The following CSNK2A2IP variants were observed in gnomAD, a reference collection of about 807,000 sequenced individuals.
CSNK2A2IP encodes the protein casein kinase 2 subunit alpha' interacting protein.
the CSNK2A2IP span, among the ~76,000 whole-genome samples, chr3:88,444,811 T>C: frequency 6.6e-6 from 1 of 152,208 alleles, no homozygotes; most frequent in African/African-American, 2.4e-5. Flanking sequence ...CAAAATATCT[T>C]GAATTGGACA....
the CSNK2A2IP span, chr3:88,465,416 T>G: frequency 6.5e-6 from 8 of 1,231,674 alleles, no homozygotes; most frequent in Non-Finnish European, 5.1e-6. Flanking sequence ...TTCTACCAAC[T>G]GTCCTCAGCC....
At chr3:88,386,316 G>A in the CSNK2A2IP span, among the ~76,000 whole-genome samples, 1 of 152,144 alleles carries the variant, frequency 6.6e-6, no homozygotes, top group South Asian at 2.1e-4. Flanking sequence ...AGTAGAGACA[G>A]GGTTTCACCA....
chr3:88,383,766 C>T, the CSNK2A2IP span, among the ~76,000 whole-genome samples: 1 of 150,018 alleles, frequency 6.7e-6, no homozygotes, highest in African/African-American at 2.4e-5. Flanking sequence ...CCGGTTCATG[C>T]CATTCTCCTG....
the CSNK2A2IP span, among the ~76,000 whole-genome samples, chr3:88,416,541 C>T: frequency 6.6e-5 from 10 of 152,204 alleles, no homozygotes; most frequent in East Asian, 1.9e-3. Flanking sequence ...ATCAGTAATG[C>T]ATTGTTATAG....
chr3:88,458,244 G>A, the CSNK2A2IP span, among the ~76,000 whole-genome samples: 3 of 140,216 alleles, frequency 2.1e-5, no homozygotes, highest in Non-Finnish European at 4.5e-5. Flanking sequence ...TCTGCCTCTC[G>A]AGTTCAAGCA....
At chr3:88,353,642 C>T in the CSNK2A2IP span, among the ~76,000 whole-genome samples, 1 of 152,034 alleles carries the variant, frequency 6.6e-6, no homozygotes. Context: ...GACGGAAAAT[C>T]CTTGCTTTCA....
the CSNK2A2IP span, among the ~76,000 whole-genome samples, chr3:88,459,272 T>C: frequency 1.3e-5 from 2 of 152,112 alleles, no homozygotes; most frequent in Admixed American, 6.5e-5. Context: ...ATATTTGCAA[T>C]AGGATACCTG....
At chr3:88,465,394 C>A in the CSNK2A2IP span, 60 of 1,231,586 alleles carry the variant, frequency 4.9e-5, no homozygotes, top group East Asian at 1.7e-3. Flanking sequence ...ACACTTTGTG[C>A]CATTAGACTA....
chr3:88,421,505 C>A, the CSNK2A2IP span, among the ~76,000 whole-genome samples: 2 of 152,138 alleles, frequency 1.3e-5, no homozygotes, highest in East Asian at 1.9e-4. Context: ...CAACCTCCAC[C>A]TTCCGGGTTC....
chr3:88,355,575 G>A, the CSNK2A2IP span, among the ~76,000 whole-genome samples: 70 of 152,224 alleles, frequency 4.6e-4, no homozygotes, highest in African/African-American at 1.6e-3. Flanking sequence ...TTTCTGATAT[G>A]TAGTTTCAAA....
chr3:88,394,878 T>C, the CSNK2A2IP span, among the ~76,000 whole-genome samples: 2 of 152,062 alleles, frequency 1.3e-5, no homozygotes, highest in Non-Finnish European at 2.9e-5. Flanking sequence ...GGGGTCTACT[T>C]GAGAGAGGAG....
At chr3:88,400,819 T>C in the CSNK2A2IP span, among the ~76,000 whole-genome samples, 1 of 152,214 alleles carries the variant, frequency 6.6e-6, no homozygotes, top group African/African-American at 2.4e-5. Flanking sequence ...AGACACTAAA[T>C]TTGTGGCACA....
the CSNK2A2IP span, among the ~76,000 whole-genome samples, chr3:88,435,436 C>T: frequency 6.6e-6 from 1 of 152,096 alleles, no homozygotes; most frequent in Admixed American, 6.6e-5. Flanking sequence ...GGTCTCTTGG[C>T]CGTCTCTGAA....
At chr3:88,448,327 T>TG in the CSNK2A2IP span, among the ~76,000 whole-genome samples, 1 of 152,210 alleles carries the variant, frequency 6.6e-6, no homozygotes, top group East Asian at 1.9e-4. Flanking sequence ...ATGTCTGTCT[T>TG]GGTCAATGTC....
At chr3:88,423,657 C>A in the CSNK2A2IP span, among the ~76,000 whole-genome samples, 1 of 152,234 alleles carries the variant, frequency 6.6e-6, no homozygotes, top group East Asian at 1.9e-4. Flanking sequence ...GAGTCTGATC[C>A]TTCAGTCCCC....
chr3:88,404,250 T>A, the CSNK2A2IP span, among the ~76,000 whole-genome samples: 1 of 152,152 alleles, frequency 6.6e-6, no homozygotes, highest in Non-Finnish European at 1.5e-5. Flanking sequence ...CACAGTGAAA[T>A]GTTGGGAAAG....
At chr3:88,387,981 C>G in the CSNK2A2IP span, among the ~76,000 whole-genome samples, 1 of 152,184 alleles carries the variant, frequency 6.6e-6, no homozygotes, top group Non-Finnish European at 1.5e-5. Flanking sequence ...CCTGCCTCAG[C>G]CTCCCAAAGT....
chr3:88,388,303 A>C, the CSNK2A2IP span, among the ~76,000 whole-genome samples: 1 of 152,196 alleles, frequency 6.6e-6, no homozygotes, highest in East Asian at 1.9e-4. Context: ...TAACTCTTCT[A>C]GTCATTTTTG....
chr3:88,347,904 T>C, the CSNK2A2IP span, among the ~76,000 whole-genome samples: 1 of 152,026 alleles, frequency 6.6e-6, no homozygotes, highest in Non-Finnish European at 1.5e-5. Context: ...GTATCTCCTG[T>C]ATTTGCTTTT....
Sources: gnomAD v4.1 joint callset for allele counts (sites outside exome capture counted in the v4.1 genomes callset) on GRCh38, gnomAD v4.1.1 for gene constraint, MANE v1.5 for transcripts, NCBI Gene and HGNC (gene_info 2026-07-23, HGNC 2026-07-21) for gene names.